Variants in SREBF2 observed in about 807,000 individuals in gnomAD.
SREBF2 encodes sterol regulatory element binding transcription factor 2, also known as sterol regulatory element-binding protein 2.
SREBF2 carries 55 observed loss-of-function variants against 113.1 expected under a neutral mutation model. That is an observed-to-expected ratio of 0.49 (90% CI 0.39 to 0.61). The LOEUF is 0.61. Ranked by LOEUF, SREBF2 falls within the 20% of genes least tolerant of loss-of-function variation. The pLI is 0.00. For synonymous variants in SREBF2, 593 were observed against 605.7 expected, an observed-to-expected ratio of 0.98 and a Z score of 0.31; for missense variants, 1,349 against 1,487.4, an observed-to-expected ratio of 0.91 and a Z score of 1.53.
chr22:41,896,639 G>A lies in SREBF2; in HGVS notation c.2496-413G>A, dbSNP rs193033256. Among the ~76,000 whole-genome samples, 1,079 of 152,300 alleles carry A rather than the reference G, an allele frequency of 7.1e-3. 17 individuals are homozygous for A. Among genetic ancestry groups the A allele is most frequent in the African/African-American group, 0.025 (1,028 of 41,548 alleles). On this transcript the variant is annotated intron_variant, in intron 13 of 18. Coordinates refer to ENST00000361204, the MANE Select transcript of SREBF2 (RefSeq NM_004599.4). ...CTCCCAAAGTGCTGGGATTACAGGCGTGAGCCACCGTGCCCGGCCCCAAAG... is the reference window on the plus strand; with the variant it reads ...CTCCCAAAGTGCTGGGATTACAGGCATGAGCCACCGTGCCCGGCCCCAAAG...
In SREBF2 at chr22:41,880,821, G is replaced by C; in HGVS notation, c.1867G>C (p.Val623Leu). 1 of 1,614,154 alleles carries C rather than the reference G, an allele frequency of 6.2e-7. No individual in the cohort carries two copies. Among genetic ancestry groups the C allele is most frequent in the East Asian group, 2.2e-5 (1 of 44,894 alleles). The change falls in exon 10 of 19, where the codon GTG (valine) becomes CTG (leucine). Residue 623 changes from valine (V) to leucine (L), a missense_variant. Physicochemically the swap from Val to Leu is conservative, Grantham distance 32. This residue lies in a region of SREBF2 where 699 missense variants were observed against 843.3 expected (regional missense o/e 0.83). Transcript: ENST00000361204. ...LDLACSLSWN[V>L]IRYSLQKLRL... Reference sequence around the variant, plus strand: ...CCTGGCCTGCAGCCTCTCCTGGAACGTGATCCGCTACAGCCTGCAGAAGCT... The same window carrying C: ...CCTGGCCTGCAGCCTCTCCTGGAACCTGATCCGCTACAGCCTGCAGAAGCT...
intron 11 of SREBF2, 135 bp downstream of exon 11, chr22:41,885,146 C>A: frequency 1.8e-6 from 2 of 1,095,936 alleles, no homozygotes; most frequent in Non-Finnish European, 1.4e-6. Flanking sequence ...GGCATTCATT[C>A]AGTCGCTCAT....
At chr22:41,904,246 A>G (rs762690796) in intron 17 of SREBF2, among the ~76,000 whole-genome samples, 10 of 152,100 alleles carry the variant, frequency 6.6e-5, no homozygotes, top group Non-Finnish European at 1.2e-4. Context: ...GCGGCTCCCC[A>G]TTGCCTACCA....
intron 12 of SREBF2, 88 bp downstream of exon 12, chr22:41,893,373 A>AACC: frequency 7.1e-7 from 1 of 1,414,180 alleles, no homozygotes; most frequent in South Asian, 1.2e-5. Context: ...ACGCGGAGAC[A>AACC]CGGGTTGTCT....
In SREBF2 at chr22:41,880,915, G is replaced by C; in HGVS notation, c.1961G>C (p.Gly654Ala). ...CRRATPATEA[G>A]FEDEAKTSAR... ...CGGGCCACGCCAGCCACTGAGGCAG[G>C]CTTTGAAGACGAAGCTAAGACCAGC... Residue 654 changes from glycine to alanine, a missense_variant, in exon 10 of 19, where the codon GGC (glycine) becomes GCC (alanine). Coordinates refer to ENST00000361204, the MANE Select transcript of SREBF2 (RefSeq NM_004599.4). 1 of 1,613,656 alleles carries C rather than the reference G, an allele frequency of 6.2e-7. No individual in the cohort carries two copies. The highest frequency in any genetic ancestry group is 8.5e-7 in the Non-Finnish European group (1 of 1,180,044).
At chr22:41,872,617 C>T (rs1569393891) in intron 4 of SREBF2, among the ~76,000 whole-genome samples, 2 of 151,840 alleles carry the variant, frequency 1.3e-5, no homozygotes. Flanking sequence ...TGGTCCAGGC[C>T]CAGTGGCTCA....
chr22:41,842,791 C>T (rs997222842), intron 1 of SREBF2, among the ~76,000 whole-genome samples: 4 of 152,162 alleles, frequency 2.6e-5, no homozygotes, highest in African/African-American at 7.2e-5. Context: ...AGATCAAGAC[C>T]ATCCTGGCTA....
At position 41,880,039 on chromosome 22, in the gene SREBF2, TGAAAA is replaced by T. The variant is rs562125491; in HGVS notation, c.1762-672_1762-668del. Among the ~76,000 whole-genome samples, 569 of 151,960 alleles carry T rather than the reference TGAAAA, an allele frequency of 3.7e-3. 3 individuals carry two copies. Among genetic ancestry groups the T allele is most frequent in the Middle Eastern group, 0.031 (9 of 294 alleles). ...ATAGCAAAACCCCCATCTCTAAAAA[TGAAAA>T]GAAACGCTTTAGCAGACATGGCATG... On this transcript the variant is annotated intron_variant, in intron 9 of 18. Transcript: ENST00000361204.
At chr22:41,846,379 G>A (rs183065639) in intron 1 of SREBF2, among the ~76,000 whole-genome samples, 5 of 152,290 alleles carry the variant, frequency 3.3e-5, no homozygotes, top group African/African-American at 9.6e-5. Flanking sequence ...CTCAAGGGTC[G>A]CACTCCTGGT....
At chr22:41,862,980 G>A (rs2077040369) in intron 1 of SREBF2, among the ~76,000 whole-genome samples, 1 of 152,126 alleles carries the variant, frequency 6.6e-6, no homozygotes, top group African/African-American at 2.4e-5. Context: ...GACCTGTGTA[G>A]GTTACTTCAC....
chr22:41,859,364 A>T (rs1388615408), intron 1 of SREBF2, among the ~76,000 whole-genome samples: 2 of 152,212 alleles, frequency 1.3e-5, no homozygotes, highest in Non-Finnish European at 2.9e-5. Flanking sequence ...AATGTGATTC[A>T]TAACACATGC....
At chr22:41,864,963 G>C (rs965125608) in intron 1 of SREBF2, among the ~76,000 whole-genome samples, 1 of 152,006 alleles carries the variant, frequency 6.6e-6, no homozygotes, top group Non-Finnish European at 1.5e-5. Context: ...AAAAAAAAGA[G>C]AGACAGAGTC....
At chr22:41,894,245 G>C (rs1374990683) in intron 12 of SREBF2, among the ~76,000 whole-genome samples, 4 of 152,114 alleles carry the variant, frequency 2.6e-5, no homozygotes, top group African/African-American at 9.7e-5. Flanking sequence ...CATGTGAGGA[G>C]AGAGAAGGGG....
chr22:41,845,882 CTGAATG>C (rs1374200077), intron 1 of SREBF2, among the ~76,000 whole-genome samples: 1 of 152,186 alleles, frequency 6.6e-6, no homozygotes, highest in Non-Finnish European at 1.5e-5. Flanking sequence ...CCCCAAAGAT[CTGAATG>C]TGGAAGGTCT....
intron 15 of SREBF2, chr22:41,899,920 A>ATTCT: frequency 8.8e-7 from 1 of 1,135,228 alleles, no homozygotes. Flanking sequence ...CCTCTACAGA[A>ATTCT]AGAAGCTAAC....
rs1174898993 is a variant in SREBF2, at chr22:41,875,659, C to G, written c.1321C>G (p.Gln441Glu). 6.2e-6 allele frequency: 10 copies of G among 1,614,090 alleles called. No homozygotes were observed. Among genetic ancestry groups the G allele is most frequent in the Non-Finnish European group, 8.5e-6 (10 of 1,180,040 alleles). Residue 441 changes from glutamine to glutamate, a missense_variant, in exon 7 of 19, where the codon CAG becomes GAG. Physicochemically the swap from Gln to Glu is conservative, Grantham distance 29. Transcript: ENST00000361204. ...MSPPASDSGS[Q>E]AGFSPYSIDS... is the part of the protein sequence containing the mutation. ...CCCCCCAGCCTCTGACTCAGGGTCC[C>G]AGGCTGGCTTCTCTCCCTACTCCAT...
intron 1 of SREBF2, among the ~76,000 whole-genome samples, chr22:41,835,468 G>A (rs370448817): frequency 1.1e-3 from 163 of 151,154 alleles, no homozygotes; most frequent in Non-Finnish European, 2.0e-3. Context: ...GCGCCACCAC[G>A]CCCGGCTAAT....
intron 11 of SREBF2, among the ~76,000 whole-genome samples, chr22:41,887,362 T>C (rs979261456): frequency 3.9e-5 from 6 of 152,176 alleles, no homozygotes; most frequent in African/African-American, 1.2e-4. Flanking sequence ...AAACTTCTCT[T>C]GGGCCCTTTG....
In SREBF2 at chr22:41,833,238, A is replaced by T. The variant is rs1256524042; in HGVS notation, c.-33A>T. 9 of 1,502,870 alleles carry T rather than the reference A, an allele frequency of 6.0e-6. No individual in the cohort carries two copies. The highest frequency in any genetic ancestry group is 2.9e-5 in the African/African-American group (2 of 69,288). The allele number at this position is 1,502,870 out of a possible 1,614,324, so 93.1% of individuals were successfully genotyped here. On this transcript the variant is annotated 5_prime_UTR_variant, in exon 1 of 19. Transcript: ENST00000361204. This position sits in a 1 kb window ranked among gnomAD's most constrained non-coding sequence, Gnocchi z 4.1. ...CCGCCCCCGCGTCTCCCTGAGCGGG[A>T]CGGCAGGGGGGGCTTCTGCGCTGAG...
Sources: gnomAD v4.1 joint callset for allele counts (sites outside exome capture counted in the v4.1 genomes callset) on GRCh38, gnomAD v4.1.1 for gene constraint, gnomAD v4.1.1 regional missense constraint, Gnocchi (gnomAD v3.1) non-coding constraint, MANE v1.5 for transcripts, NCBI Gene and HGNC (gene_info 2026-07-23, HGNC 2026-07-21) for gene names.